Variants in GSE1 observed in about 807,000 individuals in gnomAD.
GSE1 encodes the protein Gse1 coiled-coil protein.
Under a neutral mutation model 112.6 loss-of-function variants are expected in GSE1, and 32 were observed. That is an observed-to-expected ratio of 0.28 (90% CI 0.21 to 0.38). GSE1 has a LOEUF of 0.38. Ranked by LOEUF, GSE1 falls within the 10% of genes least tolerant of loss-of-function variation. GSE1 has a pLI of 1.00. For synonymous variants in GSE1, 1,115 were observed against 735.6 expected (o/e 1.52, Z -8.35); for missense variants, 2,348 against 1,699.2 (o/e 1.38, Z -6.71).
chr16:85,314,111 G>C (rs1424087872), intron 1 of GSE1, among the ~76,000 whole-genome samples: 1 of 152,108 alleles, frequency 6.6e-6, no homozygotes, highest in African/African-American at 2.4e-5. Flanking sequence ...CTCTGTGTGT[G>C]TGTGTGTGAC....
At chr16:85,631,879 G>A (rs1050590583) in intron 1 of GSE1, among the ~76,000 whole-genome samples, 5 of 152,376 alleles carry the variant, frequency 3.3e-5, no homozygotes, top group South Asian at 2.1e-4. Context: ...CAATGGACCC[G>A]CTGCGCCTCT....
chr16:85,196,321 A>C (rs2074926322), intron 1 of GSE1, among the ~76,000 whole-genome samples: 1 of 152,162 alleles, frequency 6.6e-6, no homozygotes, highest in African/African-American at 2.4e-5. Flanking sequence ...CTTTGTTCCA[A>C]GTTCCAACTT....
At chr16:85,235,989 CCTGGGCCTGGGG>C (rs1409579011) in intron 1 of GSE1, among the ~76,000 whole-genome samples, 2 of 151,636 alleles carry the variant, frequency 1.3e-5, no homozygotes, top group East Asian at 2.0e-4. Context: ...TGGGCCTGGG[CCTGGGCCTGGGG>C]CTGAGGCTGG....
intron 1 of GSE1, among the ~76,000 whole-genome samples, chr16:85,298,069 A>G (rs1350972907): frequency 6.6e-6 from 1 of 152,248 alleles, no homozygotes; most frequent in Admixed American, 6.5e-5. Context: ...TCCATTCTCC[A>G]GAGAGGCGAG....
At chr16:85,583,437 G>C (rs1020957156) in intron 1 of GSE1, 1 of 152,204 alleles carries the variant, frequency 6.6e-6, no homozygotes, top group African/African-American at 2.4e-5. Flanking sequence ...GGAAAGTAAA[G>C]CAGTATCAAG....
intron 1 of GSE1, among the ~76,000 whole-genome samples, chr16:85,190,897 G>A (rs558305089): frequency 6.6e-5 from 10 of 152,172 alleles, no homozygotes; most frequent in African/African-American, 2.2e-4. Context: ...TCATCTCCAG[G>A]GTGGCCTAGG....
chr16:85,377,072 A>AT (rs140023749), intron 2 of GSE1, among the ~76,000 whole-genome samples: 3,325 of 152,114 alleles, frequency 0.022, 119 homozygotes, highest in African/African-American at 0.076. Flanking sequence ...TGATCACCTT[A>AT]TTTTTTATTG....
chr16:85,329,517 C>G (rs768109784), intron 1 of GSE1, among the ~76,000 whole-genome samples: 4 of 151,922 alleles, frequency 2.6e-5, no homozygotes, highest in Non-Finnish European at 5.9e-5. Context: ...CAGTCGGGCA[C>G]CCGCTGGCCC....
intron 1 of GSE1, among the ~76,000 whole-genome samples, chr16:85,199,027 C>A (rs1319623289): frequency 1.3e-5 from 2 of 152,078 alleles, no homozygotes; most frequent in African/African-American, 4.8e-5. Flanking sequence ...TCACCACAAC[C>A]TCTGCCTCCC....
intron 1 of GSE1, among the ~76,000 whole-genome samples, chr16:85,590,303 C>T (rs551128742): frequency 5.4e-5 from 8 of 147,300 alleles, no homozygotes; most frequent in South Asian, 2.2e-4. Context: ...TGTGTGTGAA[C>T]GCATGGGCCC....
chr16:85,637,757 G>T (rs1264855911), intron 2 of GSE1, among the ~76,000 whole-genome samples: 1 of 150,992 alleles, frequency 6.6e-6, no homozygotes, highest in Non-Finnish European at 1.5e-5. Context: ...CAGAAAGGGA[G>T]ACCGGGCCTC....
At chr16:85,626,801 T>C (rs151204881) in intron 1 of GSE1, among the ~76,000 whole-genome samples, 636 of 152,092 alleles carry the variant, frequency 4.2e-3, no homozygotes, top group African/African-American at 0.015. Context: ...GCTGGCACGC[T>C]GATTAATAAG....
chr16:85,475,422 G>GAGGC (rs2050422356), intron 2 of GSE1, among the ~76,000 whole-genome samples: 2 of 152,248 alleles, frequency 1.3e-5, no homozygotes, highest in South Asian at 4.1e-4. Context: ...TTGTCCTGTA[G>GAGGC]AGGCACCTGG....
chr16:85,502,198 T>C (rs2051391669), intron 2 of GSE1, among the ~76,000 whole-genome samples: 1 of 152,086 alleles, frequency 6.6e-6, no homozygotes, highest in Admixed American at 6.5e-5. Context: ...AGGGGGACCA[T>C]ATGGGCTGCG....
intron 2 of GSE1, among the ~76,000 whole-genome samples, chr16:85,411,608 C>A (rs2048551859): frequency 1.1e-4 from 2 of 18,454 alleles, no homozygotes; most frequent in African/African-American, 2.7e-4. Flanking sequence ...ACACTCAGGG[C>A]CCCCCCGGAT....
rs569516727 is a variant in GSE1, at chr16:85,487,134, G to T, written c.2464+129491G>T. 2.0e-5 allele frequency among the ~76,000 whole-genome samples: 3 copies of T among 152,324 alleles called. No homozygotes were observed. The South Asian group carries it at 6.2e-4, about 32-fold the overall frequency. On this transcript the variant is annotated intron_variant, in intron 2 of 2. Transcript: ENST00000637419. The stretch of plus-strand genomic sequence containing the variant: ...TGGGCTCTCTGTCCAGTTGGGAAAA[G>T]AGGGGAAGCAAAACGGGAGCAGAAG...
At chr16:85,469,875 G>C (rs1472220715) in intron 2 of GSE1, among the ~76,000 whole-genome samples, 1 of 152,260 alleles carries the variant, frequency 6.6e-6, no homozygotes, top group Non-Finnish European at 1.5e-5. Context: ...GGGAGGCAAG[G>C]TGGGAGGGGG....
chr16:85,431,304 G>T (rs537876210), intron 2 of GSE1, among the ~76,000 whole-genome samples: 1 of 152,242 alleles, frequency 6.6e-6, no homozygotes, highest in Non-Finnish European at 1.5e-5. Flanking sequence ...ACGGGAGCTC[G>T]CTCAGGCCCA....
chr16:85,496,642 C>CGA (rs1466396999), intron 2 of GSE1, among the ~76,000 whole-genome samples: 1 of 152,232 alleles, frequency 6.6e-6, no homozygotes, highest in Non-Finnish European at 1.5e-5. Flanking sequence ...GGAGCTGGGA[C>CGA]CATGCTGTCA....
Sources: gnomAD v4.1 joint callset for allele counts (sites outside exome capture counted in the v4.1 genomes callset) on GRCh38, gnomAD v4.1.1 for gene constraint, MANE v1.5 for transcripts, NCBI Gene and HGNC (gene_info 2026-07-23, HGNC 2026-07-21) for gene names.